Variants in MAP7 observed in about 807,000 individuals in gnomAD.
The protein encoded by MAP7 is microtubule associated protein 7.
MAP7 carries 52 observed loss-of-function variants against 94.8 expected under a neutral mutation model. That is an observed-to-expected ratio of 0.55 (90% CI 0.44 to 0.69). MAP7 has a LOEUF of 0.69. MAP7 is among the 30% of genes least tolerant of loss of function. MAP7 has a pLI of 0.00. For synonymous variants in MAP7, 350 were observed against 357.0 expected (o/e 0.98, Z 0.22); for missense variants, 940 against 964.6 (o/e 0.97, Z 0.34).
chr6:136,395,409 T>A (rs1257738080), intron 3 of MAP7, among the ~76,000 whole-genome samples: 69 of 6,120 alleles, frequency 0.011, no homozygotes, highest in African/African-American at 0.035. Flanking sequence ...TTAATTTGGA[T>A]TTTTTTTTTT....
chr6:136,386,517 A>G (rs1298390784), intron 5 of MAP7, among the ~76,000 whole-genome samples: 1 of 152,232 alleles, frequency 6.6e-6, no homozygotes, highest in Non-Finnish European at 1.5e-5. Flanking sequence ...AAAATGTCTG[A>G]TGATCTAACA....
At chr6:136,488,530 C>T (rs1033845432) in intron 1 of MAP7, among the ~76,000 whole-genome samples, 26 of 151,348 alleles carry the variant, frequency 1.7e-4, no homozygotes, top group African/African-American at 4.4e-4. Context: ...CTGCAACCTC[C>T]GCCTCCTGGG....
rs1793317799 is a variant in MAP7, at chr6:136,363,147, GGAAGATGATACCCTAT to G, written c.1274-461_1274-446del. The stretch of plus-strand genomic sequence containing the variant: ...ATGCCATGAGTCCAGATTCAGCCTG[GGAAGATGATACCCTAT>G]GAAGAGGACCCTTTTGTCTCCCCAG... On this transcript the variant is annotated intron_variant, in intron 10 of 17. Transcript: ENST00000354570. Among the ~76,000 whole-genome samples the G allele has an allele frequency of 2.0e-5, 3 of 152,216 alleles. No homozygotes were observed. The South Asian group carries it at 6.2e-4, about 32-fold the overall frequency.
At chr6:136,370,331 G>T (rs1367291261) in intron 8 of MAP7, among the ~76,000 whole-genome samples, 1 of 152,160 alleles carries the variant, frequency 6.6e-6, no homozygotes, top group African/African-American at 2.4e-5. Flanking sequence ...ATGTAAAATG[G>T]TACAGCTGCT....
chr6:136,503,241 C>T (rs1011002312), intron 1 of MAP7, among the ~76,000 whole-genome samples: 1 of 152,148 alleles, frequency 6.6e-6, no homozygotes, highest in African/African-American at 2.4e-5. Flanking sequence ...GCCAACTTAA[C>T]TTTTTATGTA....
At chr6:136,365,277 C>T (rs1793971271) in intron 10 of MAP7, among the ~76,000 whole-genome samples, 1 of 152,168 alleles carries the variant, frequency 6.6e-6, no homozygotes, top group Non-Finnish European at 1.5e-5. Flanking sequence ...GAATCATCTC[C>T]TCTTTCTTGC....
intron 1 of MAP7, among the ~76,000 whole-genome samples, chr6:136,457,504 A>G (rs938510982): frequency 1.3e-5 from 2 of 152,168 alleles, no homozygotes; most frequent in Admixed American, 6.6e-5. Flanking sequence ...AGCCTAAGAC[A>G]CTACAAGACA....
At chr6:136,380,232 G>A (rs1173008043) in intron 6 of MAP7, among the ~76,000 whole-genome samples, 6 of 152,216 alleles carry the variant, frequency 3.9e-5, no homozygotes, top group South Asian at 2.1e-4. Context: ...ATAAATGATC[G>A]GGGCTAAACA....
chr6:136,477,282 G>C (rs1203981922), intron 1 of MAP7, among the ~76,000 whole-genome samples: 1 of 152,138 alleles, frequency 6.6e-6, no homozygotes, highest in Non-Finnish European at 1.5e-5. Context: ...GGAAATATCA[G>C]GCAAATCCAA....
chr6:136,480,902 G>A (rs1411279371), intron 1 of MAP7, among the ~76,000 whole-genome samples: 1 of 152,032 alleles, frequency 6.6e-6, no homozygotes, highest in Non-Finnish European at 1.5e-5. Flanking sequence ...AATATGTAAG[G>A]AGCACAAACA....
intron 5 of MAP7, among the ~76,000 whole-genome samples, chr6:136,384,206 G>A (rs1778554003): frequency 6.6e-6 from 1 of 152,114 alleles, no homozygotes; most frequent in Non-Finnish European, 1.5e-5. Flanking sequence ...AGAACACCAG[G>A]TTCTGTGTAA....
chr6:136,520,154 C>G (rs1009813842), intron 1 of MAP7, among the ~76,000 whole-genome samples: 4 of 143,628 alleles, frequency 2.8e-5, no homozygotes, highest in Non-Finnish European at 6.0e-5. Flanking sequence ...GAGCCATGAT[C>G]ATACCACTGC....
At chr6:136,463,152 C>T (rs1330708828) in intron 1 of MAP7, among the ~76,000 whole-genome samples, 2 of 152,032 alleles carry the variant, frequency 1.3e-5, no homozygotes, top group East Asian at 1.9e-4. Context: ...GAGTTTGGCC[C>T]CATATCATTT....
chr6:136,450,943 T>C (rs367683480), intron 1 of MAP7, among the ~76,000 whole-genome samples: 2 of 152,206 alleles, frequency 1.3e-5, no homozygotes, highest in South Asian at 2.1e-4. Context: ...ACCCCAAATA[T>C]GCCTTTTTGG....
intron 3 of MAP7, among the ~76,000 whole-genome samples, chr6:136,402,451 A>G (rs1784351775): frequency 1.3e-5 from 2 of 152,308 alleles, no homozygotes; most frequent in Admixed American, 6.5e-5. Flanking sequence ...GTGACCTTGG[A>G]GGATCCCCAC....
At chr6:136,445,613 T>C (rs1157253976) in intron 1 of MAP7, among the ~76,000 whole-genome samples, 1 of 152,196 alleles carries the variant, frequency 6.6e-6, no homozygotes, top group Non-Finnish European at 1.5e-5. Context: ...GGTACCAACA[T>C]AGGTAGAAGT....
chr6:136,534,527 A>C (rs1033042220), intron 1 of MAP7, among the ~76,000 whole-genome samples: 5 of 152,258 alleles, frequency 3.3e-5, no homozygotes, highest in African/African-American at 1.2e-4. Context: ...AAGATACTCC[A>C]TTCCCACATT....
intron 1 of MAP7, among the ~76,000 whole-genome samples, chr6:136,535,894 C>T (rs1385037108): frequency 6.6e-6 from 1 of 151,932 alleles, no homozygotes; most frequent in African/African-American, 2.4e-5. Flanking sequence ...TATCCCTCCC[C>T]GCTCCCCCCA....
Position 136,372,372 on chromosome 6 carries a change from G to T in MAP7, c.876+129C>A. The T allele has an allele frequency of 7.3e-6, 8 of 1,089,314 alleles. No individual in the cohort carries two copies. The South Asian group carries it at 1.3e-4, about 18-fold the overall frequency. 67.5% of individuals were successfully genotyped at this position (1,089,314 alleles called of 1,614,324 possible). A position where few individuals can be genotyped will look rare whatever the true frequency, so the allele number is the denominator to read the frequency against. ...AGCTAGCCAGATTCATGATCAATGG[G>T]AAAGATGGGATGGTGGATGTCACGG... On this transcript the variant is annotated intron_variant, in intron 8 of 17. Coordinates refer to ENST00000354570, the MANE Select transcript of MAP7 (RefSeq NM_003980.6).
Sources: allele counts gnomAD v4.1 joint callset (sites outside exome capture counted in the v4.1 genomes callset), GRCh38; gene constraint gnomAD v4.1.1; transcripts MANE v1.5; gene names NCBI Gene and HGNC (gene_info 2026-07-23, HGNC 2026-07-21).